NPHP4: variants seen among roughly 807,000 people sequenced by gnomAD.
NPHP4 encodes the protein nephrocystin 4.
A neutral mutation model predicts 155.8 loss-of-function variants in NPHP4; 151 were observed. The ratio of observed to expected loss-of-function variants is 0.97; its 90% CI spans 0.85 to 1.11. The LOEUF (loss-of-function observed/expected upper bound fraction) is 1.11. NPHP4 is among the 50% of genes least tolerant of loss of function. NPHP4 has a pLI of 0.00. For synonymous variants in NPHP4, 845 were observed against 816.8 expected, an observed-to-expected ratio of 1.03 and a Z score of -0.59; for missense variants, 1,956 against 1,925.7, an observed-to-expected ratio of 1.02 and a Z score of -0.29.
intron 23 of NPHP4, chr1:5,868,489 TACAC>T (rs1283225284): frequency 1.7e-5 from 4 of 231,358 alleles, no homozygotes; most frequent in Middle Eastern, 1.7e-3. Flanking sequence ...TGTTTCAAGA[TACAC>T]ACAACCACAG....
chr1:5,989,649 T>G (rs1403020885), intron 1 of NPHP4, among the ~76,000 whole-genome samples: 1 of 152,246 alleles, frequency 6.6e-6, no homozygotes, highest in Non-Finnish European at 1.5e-5. Flanking sequence ...CATTCAGAAA[T>G]GTATTCACAC....
chr1:5,928,820 G>A lies in NPHP4; in HGVS notation c.1303-1033C>T, dbSNP rs115875752. 7.4e-3 allele frequency among the ~76,000 whole-genome samples: 1,124 copies of A among 152,160 alleles called. 12 individuals carry two copies. Among genetic ancestry groups the A allele is most frequent in the African/African-American group, 0.024 (1,017 of 41,518 alleles). The stretch of plus-strand genomic sequence containing the variant: ...TTGTCTATATCGCCAAAAAAATCCT[G>A]CTGAGATTTTGACTGAAACTGCATA... On this transcript the variant is annotated intron_variant, in intron 10 of 29. Coordinates refer to ENST00000378156, the MANE Select transcript of NPHP4 (RefSeq NM_015102.5).
intron 16 of NPHP4, among the ~76,000 whole-genome samples, chr1:5,903,404 T>C (rs1644767338): frequency 6.6e-6 from 1 of 152,224 alleles, no homozygotes; most frequent in Non-Finnish European, 1.5e-5. Flanking sequence ...CTACTTCATT[T>C]GAGGTCAGCA....
chr1:5,938,391 AG>A (rs1646654922), intron 9 of NPHP4, among the ~76,000 whole-genome samples: 1 of 152,216 alleles, frequency 6.6e-6, no homozygotes, highest in Non-Finnish European at 1.5e-5. Context: ...AGGAGCCCAG[AG>A]GTCACAACAG....
intron 10 of NPHP4, among the ~76,000 whole-genome samples, chr1:5,928,727 G>C (rs1646135993): frequency 6.6e-6 from 1 of 152,092 alleles, no homozygotes; most frequent in African/African-American, 2.4e-5. Flanking sequence ...CAACTTTACT[G>C]TTCTTTTTTC....
intron 16 of NPHP4, among the ~76,000 whole-genome samples, chr1:5,891,315 GTCC>G (rs1644114248): frequency 2.6e-5 from 4 of 152,210 alleles, no homozygotes; most frequent in Non-Finnish European, 4.4e-5. Flanking sequence ...GGGAACAAAT[GTCC>G]TTATGAGGCT....
At chr1:5,873,976 C>T (rs547226669) in intron 22 of NPHP4, 3 of 220,962 alleles carry the variant, frequency 1.4e-5, no homozygotes, top group East Asian at 1.5e-4. Context: ...TCACATATCG[C>T]CCCTGCACAC....
chr1:5,909,450 C>T (rs1485409886), intron 11 of NPHP4, among the ~76,000 whole-genome samples: 2 of 152,182 alleles, frequency 1.3e-5, no homozygotes, highest in Admixed American at 1.3e-4. Flanking sequence ...CAGCTGGCCT[C>T]GTCCTCACTG....
At chr1:5,966,642 T>G (rs1201657097) in intron 5 of NPHP4, among the ~76,000 whole-genome samples, 1 of 151,780 alleles carries the variant, frequency 6.6e-6, no homozygotes, top group Non-Finnish European at 1.5e-5. Flanking sequence ...AAAGTCACCC[T>G]CCCCAACAGA....
At chr1:5,875,155 G>C (rs1642453302) in intron 20 of NPHP4, 55 bp from the exon 21 acceptor site, 1 of 1,397,162 alleles carries the variant, frequency 7.2e-7, no homozygotes, top group Admixed American at 1.9e-5. Context: ...TCCTCCACAA[G>C]GGGCTATTGC....
intron 6 of NPHP4, among the ~76,000 whole-genome samples, chr1:5,960,585 T>C (rs72859112): frequency 0.053 from 7,988 of 151,902 alleles, 687 homozygotes; most frequent in African/African-American, 0.18. Flanking sequence ...AGGGAGTCAG[T>C]CACCCAAGAC....
At chr1:5,917,975 G>A (rs965944381) in intron 11 of NPHP4, among the ~76,000 whole-genome samples, 3 of 152,336 alleles carry the variant, frequency 2.0e-5, no homozygotes, top group African/African-American at 4.8e-5. Flanking sequence ...GGACCAGGAC[G>A]AGCAGAGCCA....
chr1:5,947,117 C>A lies in NPHP4; in HGVS notation c.1106G>T (p.Gly369Val), dbSNP rs758027686. The change falls in exon 9 of 30, where the codon GGA becomes GTA. Residue 369 changes from glycine (G) to valine (V), a missense_variant. Physicochemically the swap from Gly to Val is moderately radical, Grantham distance 109 (BLOSUM62 -3). Transcript: ENST00000378156. ...GGCTGTTCTTACATTGCCGTCCACTCCTGCAGGGCTGCTGAACACGTACTC... is the reference window on the plus strand; with the variant it reads ...GGCTGTTCTTACATTGCCGTCCACTACTGCAGGGCTGCTGAACACGTACTC... ...QLEYVFSSPA[G>V]VDGNAASVTS... 12 of 1,613,884 alleles carry A rather than the reference C, an allele frequency of 7.4e-6. No individual in the cohort carries two copies. In the African/African-American group the frequency reaches 1.6e-4, roughly 22 times the overall value.
intron 11 of NPHP4, among the ~76,000 whole-genome samples, chr1:5,913,717 C>T (rs1358813998): frequency 6.6e-6 from 1 of 152,224 alleles, no homozygotes; most frequent in Non-Finnish European, 1.5e-5. Flanking sequence ...GAGAGACAGG[C>T]ATGCCCTCAA....
intron 16 of NPHP4, among the ~76,000 whole-genome samples, chr1:5,897,860 G>T (rs559969934): frequency 4.5e-4 from 69 of 152,330 alleles, no homozygotes; most frequent in African/African-American, 1.6e-3. Flanking sequence ...CTTATTTAGA[G>T]GTAGAGTGTT....
At chr1:5,908,049 C>T (rs1254383463) in intron 12 of NPHP4, among the ~76,000 whole-genome samples, 1 of 152,226 alleles carries the variant, frequency 6.6e-6, no homozygotes, top group Non-Finnish European at 1.5e-5. Context: ...GCAATGATGG[C>T]TGGCCCACAC....
rs56021300 is a variant in NPHP4 at position 5,929,054 on chromosome 1, G to A, written c.1303-1267C>T. Reference sequence around the variant, plus strand: ...GTTAGATTTAGTTCATGGAGGGCAGGCTTTGTAAACAATACTGTTTCTGTA... The same window carrying A: ...GTTAGATTTAGTTCATGGAGGGCAGACTTTGTAAACAATACTGTTTCTGTA... On this transcript the variant is annotated intron_variant, in intron 10 of 29. Transcript: ENST00000378156. Among the ~76,000 whole-genome samples the A allele has an allele frequency of 7.4e-3, 1,125 of 152,284 alleles. 8 individuals carry two copies. Among genetic ancestry groups the A allele is most frequent in the Middle Eastern group, 0.024 (7 of 294 alleles).
Position 5,986,170 on chromosome 1 carries a change from T to C in NPHP4, c.120A>G (p.Gly40=), listed in dbSNP as rs1655454322. The C allele has an allele frequency of 6.2e-7, 1 of 1,613,858 alleles. No individual in the cohort carries two copies. The highest frequency in any genetic ancestry group is 8.5e-7 in the Non-Finnish European group (1 of 1,179,852). Residue 40 remains glycine, a synonymous_variant, in exon 2 of 30, where the codon GGA becomes GGG. Coordinates refer to ENST00000378156, the MANE Select transcript of NPHP4 (RefSeq NM_015102.5). ...ATTTTGTTACCTGCCTAATTACCGG[T>C]CCGTCCAGCCACTTGAGGACACACT... ...AFQCVLKWLD[G]PVIRQGVLEV...
At chr1:5,911,791 C>T (rs1645190084) in intron 11 of NPHP4, among the ~76,000 whole-genome samples, 1 of 152,212 alleles carries the variant, frequency 6.6e-6, no homozygotes, top group South Asian at 2.1e-4. Context: ...AGTTTCGAAT[C>T]TCTTTGTTTT....
Sources: gnomAD v4.1 joint callset for allele counts (sites outside exome capture counted in the v4.1 genomes callset) on GRCh38, gnomAD v4.1.1 for gene constraint, MANE v1.5 for transcripts, NCBI Gene and HGNC (gene_info 2026-07-23, HGNC 2026-07-21) for gene names.